Variants in ARNT2 observed in about 807,000 individuals in gnomAD.
ARNT2 encodes the protein aryl hydrocarbon receptor nuclear translocator 2.
A neutral mutation model predicts 91.7 loss-of-function variants in ARNT2; 36 were observed. That is an observed-to-expected ratio of 0.39 (90% confidence interval 0.30 to 0.52). ARNT2 has a LOEUF of 0.52. Among genes scored for constraint, ARNT2 ranks in the 20% least tolerant of loss-of-function variants. The pLI, the probability that ARNT2 is intolerant of heterozygous loss-of-function variation, is 0.72. For missense variants in ARNT2, 775 were observed against 939.3 expected (o/e 0.83, Z 2.29); for synonymous variants, 365 against 347.1 (o/e 1.05, Z -0.57).
intron 11 of ARNT2, among the ~76,000 whole-genome samples, chr15:80,559,858 T>C (rs1037079020): frequency 6.6e-6 from 1 of 152,226 alleles, no homozygotes; most frequent in Non-Finnish European, 1.5e-5. Flanking sequence ...GCCTTGGCCA[T>C]CTACCGCATT....
chr15:80,455,815 A>G (rs1405264605), intron 2 of ARNT2, among the ~76,000 whole-genome samples: 1 of 152,206 alleles, frequency 6.6e-6, no homozygotes, highest in Non-Finnish European at 1.5e-5. Flanking sequence ...AATTTTAAAG[A>G]TAACTGTATG....
intron 3 of ARNT2, among the ~76,000 whole-genome samples, chr15:80,469,861 C>T (rs1182773149): frequency 6.6e-6 from 1 of 152,212 alleles, no homozygotes; most frequent in Non-Finnish European, 1.5e-5. Flanking sequence ...GTAATCTGCA[C>T]ACCTTGGCCT....
chr15:80,477,500 T>C (rs914609230), intron 5 of ARNT2, among the ~76,000 whole-genome samples: 5 of 152,218 alleles, frequency 3.3e-5, no homozygotes, highest in African/African-American at 1.2e-4. Context: ...ATTTAGTCCA[T>C]TGCATTCAAG....
Position 80,442,958 on chromosome 15 carries a change from A to C in ARNT2, c.32-7922A>C, listed in dbSNP as rs1282924873. ...TCTGGCGTGCCCTCCTTGCGGCTCCATCATTCAGGCCTTGTCATCTCTCAC... is the reference window on the plus strand; with the variant it reads ...TCTGGCGTGCCCTCCTTGCGGCTCCCTCATTCAGGCCTTGTCATCTCTCAC... On this transcript the variant is annotated intron_variant, in intron 1 of 18. Transcript: ENST00000303329. The C allele has an allele frequency of 1.4e-5, 14 of 985,270 alleles. 1 individual carries two copies. The Admixed American group carries it at 2.5e-4, about 17-fold the overall frequency. The allele number at this position is 985,270 out of a possible 1,614,324, so 61.0% of individuals were successfully genotyped here. A position where few individuals can be genotyped will look rare whatever the true frequency, so the allele number is the denominator to read the frequency against.
intron 4 of ARNT2, among the ~76,000 whole-genome samples, chr15:80,472,745 G>T (rs1252476447): frequency 6.6e-6 from 1 of 152,186 alleles, no homozygotes; most frequent in African/African-American, 2.4e-5. Flanking sequence ...GTTGTGGTGA[G>T]GAAGGCAACA....
At chr15:80,556,507 G>A (rs1411074002) in intron 11 of ARNT2, 1 of 152,580 alleles carries the variant, frequency 6.6e-6, no homozygotes, top group African/African-American at 2.4e-5. Context: ...TTGAAATAGG[G>A]GGCAACTTGA....
chr15:80,451,212 TG>T (rs1896384856), intron 2 of ARNT2, among the ~76,000 whole-genome samples: 1 of 152,238 alleles, frequency 6.6e-6, no homozygotes, highest in South Asian at 2.1e-4. Context: ...CTTGTCCTTG[TG>T]GTGAGAATGT....
intron 8 of ARNT2, among the ~76,000 whole-genome samples, chr15:80,543,130 C>T (rs1007927729): frequency 1.2e-4 from 17 of 146,010 alleles, no homozygotes; most frequent in Non-Finnish European, 1.7e-4. Context: ...AAGAAAAGTG[C>T]GTATATGCCT....
intron 12 of ARNT2, among the ~76,000 whole-genome samples, chr15:80,567,984 G>T (rs1898516682): frequency 6.6e-6 from 1 of 152,184 alleles, no homozygotes; most frequent in Non-Finnish European, 1.5e-5. Context: ...GGATGGCGAG[G>T]GTGGAGTGTG....
In ARNT2 at chr15:80,434,873, C is replaced by T. The variant is rs190585521; in HGVS notation, c.32-16007C>T. 7.3e-4 allele frequency among the ~76,000 whole-genome samples: 111 copies of T among 152,160 alleles called. No individual in the cohort carries two copies. In the South Asian group the frequency reaches 0.011, roughly 15 times the overall value. On this transcript the variant is annotated intron_variant, in intron 1 of 18. Coordinates refer to ENST00000303329, the MANE Select transcript of ARNT2 (RefSeq NM_014862.4). ...AAGTGGTACTTTCATGGAAGTTTTT[C>T]CTGAATCTTTCTGAGGTCCTGGGCG...
intron 8 of ARNT2, among the ~76,000 whole-genome samples, chr15:80,540,597 C>T (rs1897889719): frequency 6.6e-6 from 1 of 152,150 alleles, no homozygotes. Context: ...GATCCCATCA[C>T]TTACATAGTG....
chr15:80,456,058 C>T (rs1418051681), intron 2 of ARNT2, among the ~76,000 whole-genome samples: 1 of 152,180 alleles, frequency 6.6e-6, no homozygotes, highest in African/African-American at 2.4e-5. Context: ...TTGGTGCTTA[C>T]CTTCGCGATG....
intron 5 of ARNT2, among the ~76,000 whole-genome samples, chr15:80,505,924 G>GTTTTTTTT (rs1486880107): frequency 1.0e-3 from 71 of 71,172 alleles, no homozygotes; most frequent in African/African-American, 4.3e-3. Context: ...CCCAACATTT[G>GTTTTTTTT]TTGTTTTTTT....
intron 3 of ARNT2, among the ~76,000 whole-genome samples, chr15:80,469,057 T>C (rs890728338): frequency 1.2e-4 from 19 of 152,188 alleles, no homozygotes; most frequent in Admixed American, 7.9e-4. Context: ...TTAGTGTCAC[T>C]CTCATTTTTT....
chr15:80,530,934 C>G (rs1643576470), intron 8 of ARNT2, among the ~76,000 whole-genome samples: 1 of 152,206 alleles, frequency 6.6e-6, no homozygotes, highest in Non-Finnish European at 1.5e-5. Flanking sequence ...TCCACAGTTG[C>G]ATATTAAATT....
intron 1 of ARNT2, chr15:80,441,439 T>C: frequency 1.0e-6 from 1 of 970,798 alleles, no homozygotes; most frequent in Non-Finnish European, 1.2e-6. Context: ...GAGATGAATA[T>C]TGAGAAGAGC....
chr15:80,450,716 A>G (rs1447191932), intron 1 of ARNT2, among the ~76,000 whole-genome samples, 164 bp from the exon 2 acceptor site: 3 of 152,258 alleles, frequency 2.0e-5, no homozygotes, highest in African/African-American at 7.2e-5. Context: ...AGAAAGAGGA[A>G]AGACTTGCCC....
chr15:80,422,945 T>G (rs1895880256), intron 1 of ARNT2, among the ~76,000 whole-genome samples: 1 of 152,206 alleles, frequency 6.6e-6, no homozygotes, highest in African/African-American at 2.4e-5. Context: ...GTCTTGTAAT[T>G]TATAACAGAA....
chr15:80,576,123 AC>A (rs1228342397), intron 14 of ARNT2, among the ~76,000 whole-genome samples: 2 of 152,066 alleles, frequency 1.3e-5, no homozygotes, highest in Non-Finnish European at 2.9e-5. Context: ...TGCACCTCTT[AC>A]CTTGGAGATG....
Sources: allele counts gnomAD v4.1 joint callset (sites outside exome capture counted in the v4.1 genomes callset), GRCh38; gene constraint gnomAD v4.1.1; transcripts MANE v1.5; gene names NCBI Gene and HGNC (gene_info 2026-07-23, HGNC 2026-07-21).